Variants in TLK2 observed in about 807,000 individuals in gnomAD.
TLK2 encodes the protein tousled like kinase 2.
In TLK2, 6 loss-of-function variants were observed where a neutral mutation model predicts 117.3. The observed-to-expected ratio is 0.05, with a 90% CI of 0.03 to 0.10. TLK2 has a LOEUF of 0.10. Ranked by LOEUF, TLK2 falls within the 10% of genes least tolerant of loss-of-function variation. TLK2 has a pLI of 1.00. For synonymous variants in TLK2, 257 were observed against 316.7 expected (o/e 0.81, Z 2.00); for missense variants, 299 against 901.2 (o/e 0.33, Z 8.56).
intron 16 of TLK2, among the ~76,000 whole-genome samples, chr17:62,590,735 C>T (rs1280452346): frequency 6.6e-6 from 1 of 151,990 alleles, no homozygotes; most frequent in East Asian, 1.9e-4. Flanking sequence ...CACTTCAGCC[C>T]GCCAAAGTGC....
intron 11 of TLK2, among the ~76,000 whole-genome samples, chr17:62,570,053 C>T (rs887679091): frequency 1.3e-5 from 2 of 152,086 alleles, no homozygotes; most frequent in Admixed American, 1.3e-4. Context: ...TCTCCCTGTG[C>T]GTCTCTGTGT....
At chr17:62,487,553 T>G (rs2072565827) in intron 2 of TLK2, among the ~76,000 whole-genome samples, 1 of 149,202 alleles carries the variant, frequency 6.7e-6, no homozygotes, top group Non-Finnish European at 1.5e-5. Flanking sequence ...AGCAAGGAGA[T>G]ATCTGTAAAA....
At chr17:62,530,247 C>T (rs2076651521) in intron 6 of TLK2, among the ~76,000 whole-genome samples, 3 of 152,044 alleles carry the variant, frequency 2.0e-5, no homozygotes, top group Admixed American at 2.0e-4. Context: ...GCACTCTAGC[C>T]TGGGTGACAG....
chr17:62,570,840 T>G (rs1183140979), intron 11 of TLK2, among the ~76,000 whole-genome samples: 1 of 152,210 alleles, frequency 6.6e-6, no homozygotes, highest in Admixed American at 6.5e-5. Flanking sequence ...AATAATAGAT[T>G]ATTTTCATGT....
chr17:62,503,360 G>T (rs2074381905), intron 2 of TLK2, among the ~76,000 whole-genome samples: 1 of 151,182 alleles, frequency 6.6e-6, no homozygotes, highest in South Asian at 2.1e-4. Flanking sequence ...ACCGGGCCTG[G>T]CTTAACATTT....
chr17:62,532,681 T>C (rs1255705397), intron 6 of TLK2, among the ~76,000 whole-genome samples: 3 of 152,202 alleles, frequency 2.0e-5, no homozygotes, highest in African/African-American at 4.8e-5. Flanking sequence ...TTCTAGACTT[T>C]TTGAGATATA....
At chr17:62,607,749 C>T (rs1037776874) in intron 20 of TLK2, among the ~76,000 whole-genome samples, 1 of 152,144 alleles carries the variant, frequency 6.6e-6, no homozygotes, top group Non-Finnish European at 1.5e-5. Flanking sequence ...CTAGATCTCC[C>T]TTTTCTCTGG....
chr17:62,502,958 A>C (rs1168301141), intron 2 of TLK2, among the ~76,000 whole-genome samples: 2 of 152,198 alleles, frequency 1.3e-5, no homozygotes, highest in Non-Finnish European at 2.9e-5. Context: ...AGTAGTGAAT[A>C]AAAACATTGA....
intron 9 of TLK2, 96 bp downstream of exon 9, chr17:62,553,851 T>A (rs2078653731): frequency 1.3e-6 from 1 of 773,286 alleles, no homozygotes; most frequent in Non-Finnish European, 2.1e-6. Flanking sequence ...TATAGCCAAA[T>A]AACAATGAAA....
chr17:62,547,835 T>A (rs1053987812), intron 7 of TLK2, among the ~76,000 whole-genome samples: 12 of 151,478 alleles, frequency 7.9e-5, no homozygotes, highest in Non-Finnish European at 1.3e-4. Context: ...CAAAAGCAGA[T>A]CTCTATCCAG....
At chr17:62,534,030 G>A (rs2076944718) in intron 6 of TLK2, among the ~76,000 whole-genome samples, 1 of 151,924 alleles carries the variant, frequency 6.6e-6, no homozygotes, top group Non-Finnish European at 1.5e-5. Context: ...TGTATTCTGT[G>A]CCACTGGTCA....
At chr17:62,584,370 C>G (rs1211349829) in intron 15 of TLK2, among the ~76,000 whole-genome samples, 1 of 151,986 alleles carries the variant, frequency 6.6e-6, no homozygotes, top group East Asian at 1.9e-4. Context: ...CTCCCTCGGC[C>G]TCCCAAAGTG....
chr17:62,549,455 A>T (rs2146134976), intron 7 of TLK2, among the ~76,000 whole-genome samples: 1 of 147,192 alleles, frequency 6.8e-6, no homozygotes, highest in East Asian at 2.0e-4. Flanking sequence ...ACATTGTAAA[A>T]GGAGAGGATT....
At position 62,607,528 on chromosome 17, in the gene TLK2, C is replaced by CA. The variant is rs899322051; in HGVS notation, c.1972-504dup. On this transcript the variant is annotated intron_variant, in intron 20 of 21. Coordinates refer to ENST00000346027, the MANE Select transcript of TLK2 (RefSeq NM_006852.6). ...TGGGCGACAGAGCGAGACTCCATCT[C>CA]AAAAAAAAAGACAAAGGAAATGGCA... Among the ~76,000 whole-genome samples, 32 of 149,622 alleles carry CA rather than the reference C, an allele frequency of 2.1e-4. 1 individual carries two copies. Among genetic ancestry groups the CA allele is most frequent in the Admixed American group, 1.0e-3 (15 of 14,992 alleles).
At chr17:62,590,924 C>G (rs1264725452) in intron 16 of TLK2, among the ~76,000 whole-genome samples, 1 of 152,202 alleles carries the variant, frequency 6.6e-6, no homozygotes, top group African/African-American at 2.4e-5. Flanking sequence ...TATTTAGGAG[C>G]TAGATTTGGT....
rs774846340 is a variant in TLK2 at position 62,578,488 on chromosome 17, G to C, written c.1200G>C (p.Glu400Asp). The change falls in exon 14 of 22, where the codon GAG becomes GAC. Residue 400 changes from glutamate to aspartate, a missense_variant. This residue lies in a region of TLK2 where 94 missense variants were observed against 282.6 expected (regional missense o/e 0.33). Coordinates refer to ENST00000346027, the MANE Select transcript of TLK2 (RefSeq NM_006852.6). Reference sequence around the variant, plus strand: ...CCTTTTCGCTTTAGGAGGAAGCAGAGATCCAGGCAGAGCTGGAGAGACTAG... The same window carrying C: ...CCTTTTCGCTTTAGGAGGAAGCAGACATCCAGGCAGAGCTGGAGAGACTAG... ...RLGHLKKEEA[E>D]IQAELERLER... 1.2e-6 allele frequency: 2 copies of C among 1,613,732 alleles called. No homozygotes were observed. Among genetic ancestry groups the C allele is most frequent in the Non-Finnish European group, 1.7e-6 (2 of 1,179,780 alleles).
At chr17:62,531,838 T>C (rs1438859169) in intron 6 of TLK2, among the ~76,000 whole-genome samples, 1 of 152,196 alleles carries the variant, frequency 6.6e-6, no homozygotes, top group East Asian at 1.9e-4. Context: ...CCCCAACTCT[T>C]ACACTGCCAA....
At chr17:62,474,359 T>C (rs537886846), upstream of TLK2, among the ~76,000 whole-genome samples, 12 of 151,998 alleles carry the variant, frequency 7.9e-5, no homozygotes, top group African/African-American at 2.2e-4. Flanking sequence ...ATTACAAGCA[T>C]GAGCCACCGC....
intron 7 of TLK2, among the ~76,000 whole-genome samples, chr17:62,549,420 A>AAAAAAAGT (rs2078245980): frequency 1.3e-4 from 1 of 7,452 alleles, no homozygotes; most frequent in African/African-American, 1.7e-4. Flanking sequence ...AAAAAAAAAA[A>AAAAAAAGT]AAAAAAAAAA....
Sources: allele counts gnomAD v4.1 joint callset (sites outside exome capture counted in the v4.1 genomes callset), GRCh38; gene constraint gnomAD v4.1.1; regional missense constraint gnomAD v4.1.1; transcripts MANE v1.5; gene names NCBI Gene and HGNC (gene_info 2026-07-23, HGNC 2026-07-21).